The following PMS2 variants were observed in gnomAD, a reference collection of about 807,000 sequenced individuals.
PMS2 encodes PMS1 homolog 2, mismatch repair system component, also known as mismatch repair endonuclease PMS2.
PMS2 carries 69 observed loss-of-function variants against 90.0 expected under a neutral mutation model. The ratio of observed to expected loss-of-function variants is 0.77; its 90% confidence interval spans 0.63 to 0.94. PMS2 has a LOEUF of 0.94. Among genes scored for constraint, PMS2 ranks in the 40% least tolerant of loss-of-function variants. PMS2 has a pLI of 0.00. For synonymous variants in PMS2, 332 were observed against 375.1 expected (o/e 0.89, Z 1.33); for missense variants, 966 against 1,040.2 (o/e 0.93, Z 0.98).
At chr7:5,991,063 A>C (rs1176019044) in intron 9 of PMS2, among the ~76,000 whole-genome samples, 2 of 152,186 alleles carry the variant, frequency 1.3e-5, no homozygotes, top group African/African-American at 4.8e-5. Context: ...ATTATAAGGA[A>C]AGTATTTATA....
At position 5,995,543 on chromosome 7, in the gene PMS2, G is replaced by T; in HGVS notation, c.894C>A (p.Asp298Glu). 1 of 1,611,896 alleles carries T rather than the reference G, an allele frequency of 6.2e-7. No individual in the cohort carries two copies. Among genetic ancestry groups the T allele is most frequent in the Non-Finnish European group, 8.5e-7 (1 of 1,177,986 alleles). Residue 298 changes from aspartate (D) to glutamate (E), a missense_variant, in exon 8 of 15, where the codon GAC becomes GAA. By Grantham distance (45) the Asp-to-Glu change is conservative. This residue lies in a region of PMS2 where 871 missense variants were observed against 802.4 expected (regional missense o/e 1.09). Coordinates refer to ENST00000265849, the MANE Select transcript of PMS2 (RefSeq NM_000535.7). ...QFFFINRRPC[D>E]PAKVCRLVNE... The stretch of plus-strand genomic sequence containing the variant: ...AAAAAATTTTAAATACCTTTGCTGG[G>T]TCACAAGGCCGCCGGTTGATAAAGA...
intron 2 of PMS2, among the ~76,000 whole-genome samples, chr7:6,005,435 C>T (rs1785622416): frequency 6.6e-6 from 1 of 152,110 alleles, no homozygotes; most frequent in South Asian, 2.1e-4. Context: ...GAACTCCTGA[C>T]CTCAGGTATC....
chr7:5,993,370 C>CAA (rs141290969), intron 8 of PMS2, among the ~76,000 whole-genome samples: 2,888 of 72,560 alleles, frequency 0.04, 188 homozygotes, highest in East Asian at 0.27. Flanking sequence ...GACTCCGTCT[C>CAA]AAAAAAAAAA....
intron 7 of PMS2, among the ~76,000 whole-genome samples, chr7:5,996,884 C>A (rs12112229): frequency 0.32 from 48,437 of 151,802 alleles, 9,213 homozygotes; most frequent in African/African-American, 0.53. Context: ...CTTTCTTAGC[C>A]ACAGCATTGC....
intron 12 of PMS2, among the ~76,000 whole-genome samples, chr7:5,982,581 C>T (rs868298312): frequency 3.3e-5 from 5 of 152,176 alleles, no homozygotes; most frequent in Non-Finnish European, 7.3e-5. Flanking sequence ...AGGTGATCTG[C>T]CTGCCTCGGC....
intron 11 of PMS2, among the ~76,000 whole-genome samples, chr7:5,985,245 A>G (rs1782727720): frequency 6.6e-6 from 1 of 150,618 alleles, no homozygotes; most frequent in Non-Finnish European, 1.5e-5. Flanking sequence ...CTACAGGCGT[A>G]CAGCAATGTA....
intron 6 of PMS2, among the ~76,000 whole-genome samples, chr7:5,997,983 G>C (rs1038937814): frequency 6.6e-6 from 1 of 151,824 alleles, no homozygotes; most frequent in Non-Finnish European, 1.5e-5. Flanking sequence ...TTTTTTCAGA[G>C]AGAGAGTGAA....
intron 1 of PMS2, 103 bp downstream of exon 1, chr7:6,008,894 G>C: frequency 7.1e-7 from 1 of 1,417,110 alleles, no homozygotes; most frequent in South Asian, 1.1e-5. Flanking sequence ...GCCTCGCCAC[G>C]CGCCTCGGCC....
intron 5 of PMS2, 194 bp downstream of exon 5, chr7:6,002,259 T>G: frequency 1.8e-6 from 1 of 557,174 alleles, no homozygotes. Context: ...TAATAAACAC[T>G]ATGTGATGAA....
At chr7:5,986,710 A>C in intron 11 of PMS2, 49 bp downstream of exon 11, 1 of 1,387,474 alleles carries the variant, frequency 7.2e-7, no homozygotes, top group Non-Finnish European at 9.8e-7. Context: ...AAAAAATAAA[A>C]ATAAAAATTT....
intron 4 of PMS2, chr7:6,003,254 A>G (rs1241395254): frequency 1.3e-5 from 2 of 151,544 alleles, no homozygotes; most frequent in Non-Finnish European, 2.9e-5. Context: ...AGACTGTGCC[A>G]CTGCACTCCA....
rs568370805 is a variant in PMS2, at chr7:6,004,006, T to A, written c.216A>T (p.Gly72=). ...CGAAGTTTTCTTCTTCTACCCCACA[T>A]CCATTGTCTGAAACTTCAATAAGAT... The part of the protein sequence containing the change: ...GVDLIEVSDN[G]CGVEEENFEG... The change falls in exon 3 of 15, where the codon GGA becomes GGT. Residue 72 remains glycine (G), a synonymous_variant. Transcript: ENST00000265849. The A allele has an allele frequency of 6.2e-7, 1 of 1,605,856 alleles. No individual in the cohort carries two copies. The highest frequency in any genetic ancestry group is 1.1e-5 in the South Asian group (1 of 90,858).
rs779946576 is a variant in PMS2, at chr7:5,999,205, G to C, written c.608C>G (p.Thr203Ser). 1.7e-5 allele frequency: 28 copies of C among 1,613,906 alleles called. No homozygotes were observed. Among genetic ancestry groups the C allele is most frequent in the Non-Finnish European group, 2.3e-5 (27 of 1,179,994 alleles). ...TCGTTTTCCTTGTCCAAGCTGATTG[G>C]TGCAACTTACACGGATGCCTGCTGA... is the stretch of plus-strand genomic sequence containing the variant. ...IISAGIRVSCTNQLGQGKRQP... is the reference protein window; with the variant it reads ...IISAGIRVSCSNQLGQGKRQP... Residue 203 changes from threonine to serine, a missense_variant, in exon 6 of 15, where the codon ACC becomes AGC. Around this residue, in one of 2 missense-constraint regions of PMS2, gnomAD observed 871 missense variants for 802.4 expected, o/e 1.09. Transcript: ENST00000265849.
intron 10 of PMS2, among the ~76,000 whole-genome samples, chr7:5,988,274 C>G (rs1783296489): frequency 6.6e-6 from 1 of 152,026 alleles, no homozygotes; most frequent in Non-Finnish European, 1.5e-5. Flanking sequence ...CCCAGCATAG[C>G]TACTCCTATC....
intron 2 of PMS2, 128 bp downstream of exon 2, chr7:6,005,764 C>G: frequency 1.4e-6 from 2 of 1,465,550 alleles, no homozygotes; most frequent in Non-Finnish European, 1.9e-6. Flanking sequence ...TAGGTGCTAA[C>G]TTCAACTTAA....
In PMS2 at chr7:5,986,953, C is replaced by T. The variant is rs63750788; in HGVS notation, c.1812G>A (p.Gln604=). 6.2e-7 allele frequency: 1 copy of T among 1,614,084 alleles called. No individual in the cohort carries two copies. The highest frequency in any genetic ancestry group is 8.5e-7 in the Non-Finnish European group (1 of 1,179,966). The change falls in exon 11 of 15, where the codon CAG becomes CAA. Residue 604 remains glutamine (Q), a synonymous_variant. Transcript: ENST00000265849. ...TATTAATTTTCACAGCTACATCAAC[C>T]TGAGAGGCTGACATGTCCTGAGTAT... ...LVNTQDMSAS[Q]VDVAVKINKK...
chr7:5,991,209 C>T (rs1783690810), intron 9 of PMS2, among the ~76,000 whole-genome samples: 1 of 151,624 alleles, frequency 6.6e-6, no homozygotes, highest in Non-Finnish European at 1.5e-5. Flanking sequence ...GAAAAGAAAA[C>T]ATTCACATCT....
At chr7:5,994,121 G>A (rs1284484112) in intron 8 of PMS2, among the ~76,000 whole-genome samples, 3 of 151,290 alleles carry the variant, frequency 2.0e-5, no homozygotes, top group South Asian at 2.1e-4. Context: ...GGTGGTTCAC[G>A]CCTGTAATCC....
chr7:5,985,557 CTTTTTT>C (rs898216216), intron 11 of PMS2, among the ~76,000 whole-genome samples: 2 of 115,792 alleles, frequency 1.7e-5, no homozygotes, highest in African/African-American at 6.5e-5. Context: ...TTTTCTTTTT[CTTTTTT>C]TTTTTTTTGA....
Sources: gnomAD v4.1 joint callset for allele counts (sites outside exome capture counted in the v4.1 genomes callset) on GRCh38, gnomAD v4.1.1 for gene constraint, gnomAD v4.1.1 regional missense constraint, MANE v1.5 for transcripts, NCBI Gene and HGNC (gene_info 2026-07-23, HGNC 2026-07-21) for gene names.